Variants in RALGAPA2 observed in about 807,000 individuals in gnomAD.
The protein encoded by RALGAPA2 is Ral GTPase activating protein catalytic subunit alpha 2.
A neutral mutation model predicts 230.4 loss-of-function variants in RALGAPA2; 139 were observed. The observed-to-expected ratio is 0.60, with a 90% confidence interval of 0.53 to 0.69. The LOEUF is 0.69. Among genes scored for constraint, RALGAPA2 ranks in the 30% least tolerant of loss-of-function variants. The pLI is 0.00. For missense variants in RALGAPA2, 2,163 were observed against 2,276.0 expected, an observed-to-expected ratio of 0.95 and a Z score of 1.01; for synonymous variants, 847 against 837.8, an observed-to-expected ratio of 1.01 and a Z score of -0.19.
rs775759924 is a variant in RALGAPA2, at chr20:20,393,071, G to A, written c.*218C>T. 1.5e-6 allele frequency: 2 copies of A among 1,333,388 alleles called. No individual in the cohort carries two copies. Among genetic ancestry groups the A allele is most frequent in the Non-Finnish European group, 2.0e-6 (2 of 1,001,454 alleles). The allele number at this position is 1,333,388 out of a possible 1,614,324, so 82.6% of individuals were successfully genotyped here. A position where few individuals can be genotyped will look rare whatever the true frequency, so the allele number is the denominator to read the frequency against. On this transcript the variant is annotated 3_prime_UTR_variant, in exon 40 of 40. Transcript: ENST00000202677. ...TGAGTCCCATCTGAGACACGGTAGT[G>A]GGATTCACCATGGGCTTCAGAAGTC... is the stretch of plus-strand genomic sequence containing the variant.
chr20:20,690,383 A>C (rs141057221), intron 1 of RALGAPA2, among the ~76,000 whole-genome samples: 55 of 152,122 alleles, frequency 3.6e-4, no homozygotes, highest in African/African-American at 1.3e-3. Context: ...CTCAGTAAGG[A>C]GACTATAATT....
intron 3 of RALGAPA2, among the ~76,000 whole-genome samples, chr20:20,672,065 T>C (rs183432682): frequency 2.0e-5 from 3 of 152,272 alleles, no homozygotes; most frequent in Admixed American, 6.5e-5. Flanking sequence ...GATTTACAGG[T>C]GACTATCCCC....
intron 1 of RALGAPA2, among the ~76,000 whole-genome samples, chr20:20,700,474 C>G (rs1378643262): frequency 6.6e-6 from 1 of 152,140 alleles, no homozygotes; most frequent in Non-Finnish European, 1.5e-5. Flanking sequence ...TGTAAAAAAA[C>G]AATTTCCTCA....
intron 26 of RALGAPA2, among the ~76,000 whole-genome samples, chr20:20,534,426 T>C (rs1336021901): frequency 2.7e-5 from 4 of 149,232 alleles, no homozygotes; most frequent in East Asian, 3.9e-4. Context: ...GCCTGGGCGA[T>C]AGAGCAAGAC....
intron 18 of RALGAPA2, among the ~76,000 whole-genome samples, chr20:20,587,137 G>T (rs148698090): frequency 1.5e-3 from 225 of 152,236 alleles, no homozygotes; most frequent in African/African-American, 5.2e-3. Flanking sequence ...ATACTATAGT[G>T]AAATGGAAGG....
In RALGAPA2 at chr20:20,668,111, G is replaced by A. The variant is rs550262775; in HGVS notation, c.270+8125C>T. Among the ~76,000 whole-genome samples the A allele has an allele frequency of 9.8e-5, 15 of 152,328 alleles. No homozygotes were observed. In the East Asian group the frequency reaches 1.4e-3, roughly 14 times the overall value. On this transcript the variant is annotated intron_variant, in intron 3 of 39. Coordinates refer to ENST00000202677, the MANE Select transcript of RALGAPA2 (RefSeq NM_020343.4). ...AACAATGAAAAGTGGTCTTTCAAAC[G>A]ATGAGATACGGCTCTACTGGAGGAC...
chr20:20,608,954 G>A (rs540902476), intron 14 of RALGAPA2, among the ~76,000 whole-genome samples: 9 of 152,276 alleles, frequency 5.9e-5, no homozygotes, highest in African/African-American at 1.9e-4. Context: ...TCTGCCTAAT[G>A]CCAAAAAGCT....
intron 33 of RALGAPA2, among the ~76,000 whole-genome samples, chr20:20,510,478 T>A (rs1297558862): frequency 6.6e-6 from 1 of 151,844 alleles, no homozygotes; most frequent in Non-Finnish European, 1.5e-5. Context: ...AATTTTTAAT[T>A]TGAGAGCTGA....
intron 10 of RALGAPA2, among the ~76,000 whole-genome samples, chr20:20,628,066 T>C (rs2066546835): frequency 6.6e-6 from 1 of 152,178 alleles, no homozygotes; most frequent in African/African-American, 2.4e-5. Flanking sequence ...AAAAAAATAT[T>C]TTATAAGTGG....
At chr20:20,507,464 G>A (rs954973692) in intron 33 of RALGAPA2, among the ~76,000 whole-genome samples, 6 of 152,116 alleles carry the variant, frequency 3.9e-5, no homozygotes, top group South Asian at 4.2e-4. Flanking sequence ...TGCCTCAGCC[G>A]TCCCAGTAGC....
At chr20:20,396,132 G>A (rs2059710681) in intron 39 of RALGAPA2, among the ~76,000 whole-genome samples, 2 of 152,230 alleles carry the variant, frequency 1.3e-5, no homozygotes, top group Admixed American at 6.5e-5. Flanking sequence ...GCCATGGCCA[G>A]CCTATCCTCT....
At chr20:20,701,801 G>A (rs2069380465) in intron 1 of RALGAPA2, among the ~76,000 whole-genome samples, 1 of 151,826 alleles carries the variant, frequency 6.6e-6, no homozygotes, top group Non-Finnish European at 1.5e-5. Context: ...CAGCACTCTG[G>A]GAGGCTGAAG....
At chr20:20,559,994 T>C (rs2064207598) in intron 23 of RALGAPA2, among the ~76,000 whole-genome samples, 1 of 152,172 alleles carries the variant, frequency 6.6e-6, no homozygotes, top group Non-Finnish European at 1.5e-5. Context: ...CCAGGATCAT[T>C]TGAAATTCTC....
intron 19 of RALGAPA2, 95 bp downstream of exon 19, chr20:20,584,770 G>A (rs1469671378): frequency 3.0e-6 from 3 of 1,001,768 alleles, no homozygotes; most frequent in African/African-American, 1.6e-5. Context: ...GAAAGAGTGA[G>A]ACTGAGTCTC....
intron 33 of RALGAPA2, among the ~76,000 whole-genome samples, chr20:20,511,039 G>C (rs1354592882): frequency 6.6e-6 from 1 of 152,142 alleles, no homozygotes; most frequent in Non-Finnish European, 1.5e-5. Context: ...GATTAGGTGG[G>C]AGTGGTGACC....
chr20:20,435,881 G>C (rs1376602097), intron 37 of RALGAPA2, among the ~76,000 whole-genome samples: 2 of 152,216 alleles, frequency 1.3e-5, no homozygotes, highest in African/African-American at 4.8e-5. Context: ...CAAGAATCAA[G>C]ATTAGTCTGT....
intron 1 of RALGAPA2, among the ~76,000 whole-genome samples, chr20:20,700,497 G>C (rs746600072): frequency 6.6e-6 from 1 of 152,156 alleles, no homozygotes; most frequent in Non-Finnish European, 1.5e-5. Flanking sequence ...AGCTGTAACA[G>C]GTCTTTGATT....
intron 23 of RALGAPA2, among the ~76,000 whole-genome samples, chr20:20,553,081 G>A (rs1349257918): frequency 7.9e-5 from 12 of 152,218 alleles, no homozygotes; most frequent in Non-Finnish European, 1.6e-4. Flanking sequence ...GGCCAAATAT[G>A]TGGTATGTGC....
intron 1 of RALGAPA2, among the ~76,000 whole-genome samples, chr20:20,700,201 C>T (rs1398572401): frequency 2.6e-5 from 4 of 152,092 alleles, no homozygotes; most frequent in Non-Finnish European, 5.9e-5. Flanking sequence ...CGAATTAATG[C>T]AGGAACTGAA....
Sources: allele counts gnomAD v4.1 joint callset (sites outside exome capture counted in the v4.1 genomes callset), GRCh38; gene constraint gnomAD v4.1.1; transcripts MANE v1.5; gene names NCBI Gene and HGNC (gene_info 2026-07-23, HGNC 2026-07-21).